RECK: variants seen among roughly 807,000 people sequenced by gnomAD.
The protein encoded by RECK is reversion inducing cysteine rich protein with kazal motifs, also known as reversion-inducing cysteine-rich protein with Kazal motifs.
A neutral mutation model predicts 115.1 loss-of-function variants in RECK; 69 were observed. That is an observed-to-expected ratio of 0.60 (90% confidence interval 0.49 to 0.73). RECK has a LOEUF of 0.73. Among genes scored for constraint, RECK ranks in the 30% least tolerant of loss-of-function variants. The pLI, the probability that RECK is intolerant of heterozygous loss-of-function variation, is 0.00. For synonymous variants in RECK, 414 were observed against 419.7 expected (o/e 0.99, Z 0.17); for missense variants, 1,047 against 1,203.7 (o/e 0.87, Z 1.93).
At chr9:36,119,487 T>A (rs1439231437) in intron 18 of RECK, among the ~76,000 whole-genome samples, 1 of 152,192 alleles carries the variant, frequency 6.6e-6, no homozygotes. Flanking sequence ...AACAGTTTTT[T>A]AAAACAGCTT....
At chr9:36,102,381 C>T (rs1587071286) in intron 12 of RECK, 151 bp downstream of exon 12, 1 of 689,578 alleles carries the variant, frequency 1.5e-6, no homozygotes, top group Non-Finnish European at 2.3e-6. Context: ...TTTGCTTGGC[C>T]TTTTTGGCCC....
chr9:36,090,786 A>G (rs1823127479), intron 9 of RECK, among the ~76,000 whole-genome samples: 1 of 152,236 alleles, frequency 6.6e-6, no homozygotes, highest in East Asian at 1.9e-4. Context: ...GAACATAAAT[A>G]TAAGGGAATA....
chr9:36,123,100 G>C lies in RECK; in HGVS notation c.*55G>C. The stretch of plus-strand genomic sequence containing the variant: ...CACCTCACTCTCCTGCCTTGAAAAA[G>C]ACATTCAGGACTGCTGGTTTGTAGT... On this transcript the variant is annotated 3_prime_UTR_variant, in exon 21 of 21. Transcript: ENST00000377966. The C allele has an allele frequency of 7.4e-7, 1 of 1,360,504 alleles. No homozygotes were observed. The highest frequency in any genetic ancestry group is 1.3e-5 in the South Asian group (1 of 76,382). The allele number at this position is 1,360,504 out of a possible 1,614,324, so 84.3% of individuals were successfully genotyped here.
intron 1 of RECK, among the ~76,000 whole-genome samples, chr9:36,037,520 C>G (rs1157910775): frequency 2.6e-5 from 4 of 151,914 alleles, no homozygotes; most frequent in Non-Finnish European, 5.9e-5. Context: ...GCACTTGGTT[C>G]ATAACGACCT....
intron 2 of RECK, among the ~76,000 whole-genome samples, chr9:36,055,036 ACTT>A (rs1380441613): frequency 3.3e-5 from 5 of 152,132 alleles, no homozygotes; most frequent in Admixed American, 3.3e-4. Context: ...TGGGTAAAAA[ACTT>A]CTCAGAATTC....
intron 14 of RECK, among the ~76,000 whole-genome samples, chr9:36,108,506 A>G (rs1823907249): frequency 6.6e-6 from 1 of 152,204 alleles, no homozygotes; most frequent in African/African-American, 2.4e-5. Context: ...TAGATGAGGA[A>G]GCTGATGCTT....
At chr9:36,059,986 C>G in intron 3 of RECK, 133 bp from the exon 4 acceptor site, 4 of 726,268 alleles carry the variant, frequency 5.5e-6, no homozygotes, top group Non-Finnish European at 9.5e-6. Flanking sequence ...ATTGATGTGC[C>G]TGTAGTTCTA....
At chr9:36,046,941 T>C (rs1821090746) in intron 1 of RECK, among the ~76,000 whole-genome samples, 1 of 152,238 alleles carries the variant, frequency 6.6e-6, no homozygotes, top group Non-Finnish European at 1.5e-5. Flanking sequence ...GTTTTAATTA[T>C]AACACATTTT....
At chr9:36,064,633 T>TA (rs1343228926) in intron 5 of RECK, among the ~76,000 whole-genome samples, 1 of 152,234 alleles carries the variant, frequency 6.6e-6, no homozygotes, top group East Asian at 1.9e-4. Flanking sequence ...GACTATCCTA[T>TA]AGCCTGAGCA....
rs1271197316 is a variant in RECK at position 36,123,697 on chromosome 9, A to C, written c.*652A>C. The C allele has an allele frequency of 6.6e-6, 1 of 152,260 alleles. No homozygotes were observed. Among genetic ancestry groups the C allele is most frequent in the African/African-American group, 2.4e-5 (1 of 41,468 alleles). The allele number at this position is 152,260 out of a possible 1,614,324, so 9.4% of individuals were successfully genotyped here. ...ATTATATGTTGTAAGCAACAGGCTC[A>C]CTGGTCACGGATTTGTGTCTGTGAC... On this transcript the variant is annotated 3_prime_UTR_variant, in exon 21 of 21. Transcript: ENST00000377966.
chr9:36,103,150 T>G (rs903662126), intron 12 of RECK, among the ~76,000 whole-genome samples: 1 of 152,080 alleles, frequency 6.6e-6, no homozygotes, highest in Non-Finnish European at 1.5e-5. Flanking sequence ...GGATGACAAG[T>G]AGAACTCCTA....
At chr9:36,109,816 C>A in intron 14 of RECK, 141 bp from the exon 15 acceptor site, 1 of 814,862 alleles carries the variant, frequency 1.2e-6, no homozygotes, top group African/African-American at 1.7e-5. Flanking sequence ...TGCACTCCAG[C>A]CTGGGCGATA....
At chr9:36,075,912 A>T (rs1001587461) in intron 6 of RECK, among the ~76,000 whole-genome samples, 2 of 152,034 alleles carry the variant, frequency 1.3e-5, no homozygotes, top group African/African-American at 2.4e-5. Flanking sequence ...ATTTTTTTTT[A>T]CAAGATTCAT....
intron 6 of RECK, chr9:36,066,787 A>G: frequency 7.8e-7 from 1 of 1,287,994 alleles, no homozygotes; most frequent in South Asian, 1.2e-5. Flanking sequence ...CCGTTATTTT[A>G]GTGTGCTTCC....
Position 36,100,540 on chromosome 9 carries a change from G to T in RECK, c.1295G>T (p.Cys432Phe), listed in dbSNP as rs1224434168. The T allele has an allele frequency of 6.2e-7, 1 of 1,610,784 alleles. No homozygotes were observed. Among genetic ancestry groups the T allele is most frequent in the Admixed American group, 1.7e-5 (1 of 60,016 alleles). Reference sequence around the variant, plus strand: ...AGTAAATCTCGGGGAAGTATTATTTGCAAGTAAGTTTCTTTCATCCTAACG... The same window carrying T: ...AGTAAATCTCGGGGAAGTATTATTTTCAAGTAAGTTTCTTTCATCCTAACG... ...CHSKSRGSII[C>F]KSDCVEILKK... is the part of the protein sequence containing the mutation. Residue 432 changes from cysteine to phenylalanine, a missense_variant, in exon 11 of 21, where the codon TGC (cysteine) becomes TTC (phenylalanine). Transcript: ENST00000377966.
intron 10 of RECK, among the ~76,000 whole-genome samples, chr9:36,097,900 G>A (rs1823413459): frequency 6.6e-6 from 1 of 152,088 alleles, no homozygotes; most frequent in South Asian, 2.1e-4. Context: ...GAACCTGGAG[G>A]ACACTAAATA....
intron 6 of RECK, among the ~76,000 whole-genome samples, chr9:36,077,805 A>G (rs1822507804): frequency 6.6e-6 from 1 of 152,098 alleles, no homozygotes; most frequent in Non-Finnish European, 1.5e-5. Context: ...TTCTTCAGGT[A>G]TTGGGAGACT....
At position 36,087,868 on chromosome 9, in the gene RECK, T is replaced by C; in HGVS notation, c.812T>C (p.Val271Ala). The C allele has an allele frequency of 6.2e-7, 1 of 1,613,996 alleles. No homozygotes were observed. Among genetic ancestry groups the C allele is most frequent in the Non-Finnish European group, 8.5e-7 (1 of 1,179,900 alleles). Residue 271 changes from valine to alanine, a missense_variant, in exon 9 of 21, where the codon GTT (valine) becomes GCT (alanine). Val to Ala is a moderately conservative substitution (Grantham distance 64, BLOSUM62 0). Coordinates refer to ENST00000377966, the MANE Select transcript of RECK (RefSeq NM_021111.3). ...TGTTTTCTTGAAAGCTCACAATCTG[T>C]TCACCCTGGAGTCACTGTACACCCT... ...WQCFLESSQS[V>A]HPGVTVHPPP... is the part of the protein sequence containing the mutation.
At chr9:36,061,393 T>TACACACAAAC (rs1821757721) in intron 4 of RECK, among the ~76,000 whole-genome samples, 1 of 129,030 alleles carries the variant, frequency 7.8e-6, no homozygotes, top group African/African-American at 2.8e-5. Context: ...TGTAATTTTC[T>TACACACAAAC]ACACACACAC....
Sources: gnomAD v4.1 joint callset for allele counts (sites outside exome capture counted in the v4.1 genomes callset) on GRCh38, gnomAD v4.1.1 for gene constraint, MANE v1.5 for transcripts, NCBI Gene and HGNC (gene_info 2026-07-23, HGNC 2026-07-21) for gene names.